ZNF423: variants seen among roughly 807,000 people sequenced by gnomAD.
The protein encoded by ZNF423 is Ebf-associated zinc finger protein.
A neutral mutation model predicts 95.8 loss-of-function variants in ZNF423; 12 were observed. That is an observed-to-expected ratio of 0.13 (90% CI 0.08 to 0.20). The LOEUF (loss-of-function observed/expected upper bound fraction) is 0.20, where lower values mean the gene tolerates loss of function less well. ZNF423 is among the 10% of genes least tolerant of loss of function. The pLI is 1.00. For missense variants in ZNF423, 1,316 were observed against 1,737.1 expected (o/e 0.76, Z 4.31); for synonymous variants, 749 against 711.9 (o/e 1.05, Z -0.83).
chr16:49,634,996 T>G (rs989585316), intron 4 of ZNF423, among the ~76,000 whole-genome samples: 1 of 152,196 alleles, frequency 6.6e-6, no homozygotes, highest in Non-Finnish European at 1.5e-5. Flanking sequence ...AGGGAAAATT[T>G]GATGAACGAA....
At chr16:49,513,632 GGGAT>G (rs200850664) in intron 7 of ZNF423, among the ~76,000 whole-genome samples, 14,196 of 135,234 alleles carry the variant, frequency 0.1, 839 homozygotes, top group Middle Eastern at 0.15. Flanking sequence ...AACACATATG[GGGAT>G]GGATGGATGG....
intron 2 of ZNF423, among the ~76,000 whole-genome samples, chr16:49,757,748 G>A (rs12599278): frequency 0.48 from 72,885 of 152,016 alleles, 17,832 homozygotes; most frequent in African/African-American, 0.57. Context: ...CACCCCACGT[G>A]CCCTGGACAG....
intron 3 of ZNF423, among the ~76,000 whole-genome samples, chr16:49,730,154 C>T (rs1026575100): frequency 1.3e-5 from 2 of 152,160 alleles, no homozygotes; most frequent in African/African-American, 4.8e-5. Flanking sequence ...ACACACAAAA[C>T]TCCTGAAGTC....
intron 3 of ZNF423, among the ~76,000 whole-genome samples, chr16:49,656,641 C>T (rs923509013): frequency 3.3e-5 from 5 of 152,120 alleles, no homozygotes; most frequent in Admixed American, 2.0e-4. Context: ...GACCAACTGG[C>T]GACACTGAAG....
At chr16:49,676,347 G>GGACATCCATAACAACCAGGACTGCA in intron 3 of ZNF423, among the ~76,000 whole-genome samples, 1 of 152,182 alleles carries the variant, frequency 6.6e-6, no homozygotes, top group Non-Finnish European at 1.5e-5. Flanking sequence ...ACCAGGAACT[G>GGACATCCATAACAACCAGGACTGCA]GCAAGGGAGG....
At chr16:49,673,155 C>G (rs182424179) in intron 3 of ZNF423, among the ~76,000 whole-genome samples, 40 of 152,290 alleles carry the variant, frequency 2.6e-4, no homozygotes, top group Middle Eastern at 3.4e-3. Flanking sequence ...TAAACACAGC[C>G]CCAGGCCAGG....
intron 3 of ZNF423, among the ~76,000 whole-genome samples, chr16:49,728,354 C>T (rs113312913): frequency 9.0e-4 from 137 of 152,312 alleles, no homozygotes; most frequent in African/African-American, 3.2e-3. Flanking sequence ...CTCAGGGATG[C>T]GCTTAGGCAA....
intron 5 of ZNF423, among the ~76,000 whole-genome samples, chr16:49,546,938 C>A (rs1969462752): frequency 6.6e-6 from 1 of 151,494 alleles, no homozygotes; most frequent in Non-Finnish European, 1.5e-5. Context: ...GGATAGTCAC[C>A]TAACTCCTCT....
At chr16:49,518,102 G>C (rs1034776031) in intron 7 of ZNF423, 2 of 440,764 alleles carry the variant, frequency 4.5e-6, no homozygotes, top group East Asian at 1.4e-4. Context: ...AAAGTTCATT[G>C]CAAGCCCTAT....
At chr16:49,762,518 T>TAGACAAGAGGACTAGACAAGAGG (rs2033851129) in intron 2 of ZNF423, among the ~76,000 whole-genome samples, 1 of 152,208 alleles carries the variant, frequency 6.6e-6, no homozygotes, top group African/African-American at 2.4e-5. Flanking sequence ...ACAAGAGGAC[T>TAGACAAGAGGACTAGACAAGAGG]AATGTTCATG....
chr16:49,707,341 T>C (rs2032385515), intron 3 of ZNF423, among the ~76,000 whole-genome samples: 1 of 152,152 alleles, frequency 6.6e-6, no homozygotes, highest in African/African-American at 2.4e-5. Flanking sequence ...TTGTCAGGCA[T>C]GGTGGCTCAC....
intron 5 of ZNF423, among the ~76,000 whole-genome samples, chr16:49,544,756 G>A (rs989537595): frequency 1.3e-5 from 2 of 152,242 alleles, no homozygotes; most frequent in African/African-American, 4.8e-5. Flanking sequence ...CAGTGACCTG[G>A]GAGCCAGGGC....
intron 2 of ZNF423, among the ~76,000 whole-genome samples, chr16:49,741,217 A>T (rs1417787687): frequency 6.6e-6 from 1 of 151,892 alleles, no homozygotes; most frequent in Admixed American, 6.5e-5. Context: ...TTTAAAGAAG[A>T]AAATCCATGG....
chr16:49,652,894 A>AT (rs1280174397), intron 3 of ZNF423, among the ~76,000 whole-genome samples: 1 of 152,138 alleles, frequency 6.6e-6, no homozygotes, highest in Non-Finnish European at 1.5e-5. Context: ...TTGTTTCTAC[A>AT]TTTTTCTCAC....
intron 3 of ZNF423, among the ~76,000 whole-genome samples, chr16:49,646,039 T>C (rs1029974539): frequency 1.3e-5 from 2 of 152,228 alleles, no homozygotes; most frequent in Admixed American, 1.3e-4. Context: ...AATGAACTAA[T>C]ATACTGTAGA....
At chr16:49,591,202 T>C (rs970055821) in intron 5 of ZNF423, among the ~76,000 whole-genome samples, 1 of 151,836 alleles carries the variant, frequency 6.6e-6, no homozygotes, top group Admixed American at 6.6e-5. Context: ...AGGATGAGCA[T>C]TGTAACTCCA....
chr16:49,569,323 C>T (rs914956953), intron 5 of ZNF423, among the ~76,000 whole-genome samples: 6 of 152,210 alleles, frequency 3.9e-5, no homozygotes, highest in Non-Finnish European at 7.3e-5. Context: ...GGTCAACATA[C>T]GAATCCTCCA....
In ZNF423 at chr16:49,808,497, C is replaced by T. The variant is rs533346079; in HGVS notation, c.41-18951G>A. On this transcript the variant is annotated intron_variant, in intron 1 of 7. Coordinates refer to ENST00000563137, the MANE Select transcript of ZNF423 (RefSeq NM_001379286.1). ...ACCTGAATCCCACAAGCCTCCGGTGCAATGTCCCATTTTGGGGACAGTGGG... is the reference window on the plus strand; with the variant it reads ...ACCTGAATCCCACAAGCCTCCGGTGTAATGTCCCATTTTGGGGACAGTGGG... Among the ~76,000 whole-genome samples the T allele has an allele frequency of 3.3e-5, 5 of 152,330 alleles. No homozygotes were observed. The South Asian group carries it at 1.0e-3, about 32-fold the overall frequency.
chr16:49,831,099 G>A (rs929601347), intron 1 of ZNF423, among the ~76,000 whole-genome samples: 3 of 152,098 alleles, frequency 2.0e-5, no homozygotes, highest in Non-Finnish European at 4.4e-5. Context: ...CTCAGGGTGT[G>A]AGGGGGAACA....
Sources: allele counts gnomAD v4.1 joint callset (sites outside exome capture counted in the v4.1 genomes callset), GRCh38; gene constraint gnomAD v4.1.1; transcripts MANE v1.5; gene names NCBI Gene and HGNC (gene_info 2026-07-23, HGNC 2026-07-21).